HDAC11: variants seen among roughly 807,000 people sequenced by gnomAD.
The protein encoded by HDAC11 is histone deacetylase 11.
HDAC11 carries 23 observed loss-of-function variants against 41.1 expected under a neutral mutation model. That is an observed-to-expected ratio of 0.56 (90% CI 0.40 to 0.79). HDAC11 has a LOEUF of 0.79. Among genes scored for constraint, HDAC11 ranks in the 30% least tolerant of loss-of-function variants. The pLI, the probability that HDAC11 is intolerant of heterozygous loss-of-function variation, is 0.00. For synonymous variants in HDAC11, 187 were observed against 186.6 expected, an observed-to-expected ratio of 1.00 and a Z score of -0.02; for missense variants, 402 against 477.3, an observed-to-expected ratio of 0.84 and a Z score of 1.47.
intron 8 of HDAC11, 40 bp downstream of exon 8, chr3:13,503,020 G>T (rs2125012145): frequency 6.7e-7 from 1 of 1,484,136 alleles, no homozygotes; most frequent in Non-Finnish European, 9.4e-7. Context: ...GTGTGTCCTT[G>T]TGGATGAGGC....
chr3:13,497,242 G>C (rs549589979), intron 4 of HDAC11, among the ~76,000 whole-genome samples: 10 of 151,476 alleles, frequency 6.6e-5, no homozygotes, highest in African/African-American at 2.2e-4. Context: ...GCAGTGGTGT[G>C]ATCTTGGCTC....
intron 3 of HDAC11, among the ~76,000 whole-genome samples, chr3:13,491,370 G>A (rs74335856): frequency 0.049 from 7,374 of 151,960 alleles, 339 homozygotes; most frequent in East Asian, 0.22. Flanking sequence ...TCATGTTGAG[G>A]GAGTTCCCTT....
In HDAC11 at chr3:13,485,362, G is replaced by A. The variant is rs555426117; in HGVS notation, c.252+1798G>A. 5.3e-5 allele frequency among the ~76,000 whole-genome samples: 8 copies of A among 152,378 alleles called. No homozygotes were observed. In the South Asian group the frequency reaches 8.3e-4, roughly 16 times the overall value. ...CTGGTTTCCTGGGGCCCAGGCATGC[G>A]TGGTCACAGTCCACAGCCTAGGGCT... On this transcript the variant is annotated intron_variant, in intron 3 of 9. Transcript: ENST00000295757.
At chr3:13,504,000 G>A in intron 8 of HDAC11, 94 bp from the exon 9 acceptor site, 1 of 1,193,028 alleles carries the variant, frequency 8.4e-7, no homozygotes, top group Non-Finnish European at 1.2e-6. Context: ...GAATCTGACA[G>A]ACCAGTTTCC....
At chr3:13,487,883 G>T (rs1011937539) in intron 3 of HDAC11, among the ~76,000 whole-genome samples, 1 of 152,112 alleles carries the variant, frequency 6.6e-6, no homozygotes, top group South Asian at 2.1e-4. Flanking sequence ...GCTGAGTGTC[G>T]TGAAGAAAGG....
Position 13,480,524 on chromosome 3 carries a change from C to T in HDAC11, c.2+175C>T, listed in dbSNP as rs1254869269. The T allele has an allele frequency of 1.8e-5, 6 of 334,874 alleles. No individual in the cohort carries two copies. Among genetic ancestry groups the T allele is most frequent in the Non-Finnish European group, 3.2e-5 (6 of 187,064 alleles). The allele number at this position is 334,874 out of a possible 1,614,324, so 20.7% of individuals were successfully genotyped here. ...TCCAGGCCCTCCCGGCGCGCCAGGC[C>T]AGCCCCGCGCCCCTGCTCGGTGGCC... On this transcript the variant is annotated intron_variant, in intron 1 of 9. Transcript: ENST00000295757. This position sits in a 1 kb window ranked among gnomAD's most constrained non-coding sequence, Gnocchi z 4.6.
chr3:13,498,646 G>C (rs1702219894), intron 5 of HDAC11, 91 bp downstream of exon 5: 5 of 1,315,434 alleles, frequency 3.8e-6, no homozygotes, highest in Non-Finnish European at 4.3e-6. Context: ...GGATCCTGGA[G>C]GTGGCAGCTG....
chr3:13,483,363 A>G, intron 2 of HDAC11, 101 bp from the exon 3 acceptor site: 1 of 934,572 alleles, frequency 1.1e-6, no homozygotes, highest in Non-Finnish European at 1.7e-6. Context: ...CCCCTGGGGC[A>G]GGGGCTGCCA....
chr3:13,481,230 T>C lies in HDAC11; in HGVS notation c.3-16T>C. ...AGGCTGCCCCAGCTGTGCGTCTGTC[T>C]TTTTCCACACGGTAGGCTACACACA... On this transcript the variant is annotated splice_polypyrimidine_tract_variant and intron_variant, in intron 1 of 9. Transcript: ENST00000295757. 1 of 1,609,270 alleles carries C rather than the reference T, an allele frequency of 6.2e-7. No individual in the cohort carries two copies. The highest frequency in any genetic ancestry group is 1.1e-5 in the South Asian group (1 of 90,756).
chr3:13,481,118 C>T, intron 1 of HDAC11, 128 bp from the exon 2 acceptor site: 1 of 977,498 alleles, frequency 1.0e-6, no homozygotes, highest in East Asian at 2.6e-5. Flanking sequence ...GTTGAGGGGC[C>T]CTTGTCTGCG....
intron 3 of HDAC11, among the ~76,000 whole-genome samples, chr3:13,483,837 T>G (rs1701436052): frequency 6.6e-6 from 1 of 152,122 alleles, no homozygotes; most frequent in African/African-American, 2.4e-5. Flanking sequence ...ATTTTAGGCT[T>G]CTACATTATG....
chr3:13,484,681 C>T (rs557077794), intron 3 of HDAC11, among the ~76,000 whole-genome samples: 6 of 152,322 alleles, frequency 3.9e-5, no homozygotes, highest in African/African-American at 1.2e-4. Flanking sequence ...GGTGAGCCAC[C>T]ACACCCGGCC....
intron 3 of HDAC11, among the ~76,000 whole-genome samples, chr3:13,491,158 A>G (rs1701845532): frequency 6.6e-6 from 1 of 151,702 alleles, no homozygotes; most frequent in South Asian, 2.1e-4. Context: ...GTCTGTGAAG[A>G]GAGGTAGCTT....
Position 13,498,542 on chromosome 3 carries a change from G to C in HDAC11, c.399G>C (p.Trp133Cys), listed in dbSNP as rs749695798. 5 of 1,613,910 alleles carry C rather than the reference G, an allele frequency of 3.1e-6. No individual in the cohort carries two copies. The highest frequency in any genetic ancestry group is 4.2e-6 in the Non-Finnish European group (5 of 1,180,034). ...MAGKLAVERGWAINVGGGFHH... is the reference protein window; with the variant it reads ...MAGKLAVERGCAINVGGGFHH... ...GGAAGCTGGCTGTGGAGCGAGGCTG[G>C]GCCATCAACGTGGGTGAGTGCTGGG... Residue 133 changes from tryptophan (W) to cysteine (C), a missense_variant, in exon 5 of 10, where the codon TGG becomes TGC. Transcript: ENST00000295757.
At chr3:13,494,508 C>T (rs73815729) in intron 3 of HDAC11, among the ~76,000 whole-genome samples, 4,931 of 152,346 alleles carry the variant, frequency 0.032, 268 homozygotes, top group African/African-American at 0.11. Flanking sequence ...CACATACATA[C>T]ACTCATGGGT....
In HDAC11 at chr3:13,481,235, C is replaced by G. The variant is rs747771809; in HGVS notation, c.3-11C>G. 6.2e-7 allele frequency: 1 copy of G among 1,610,398 alleles called. No homozygotes were observed. Among genetic ancestry groups the G allele is most frequent in the Admixed American group, 1.7e-5 (1 of 59,716 alleles). On this transcript the variant is annotated splice_polypyrimidine_tract_variant and intron_variant, in intron 1 of 9. Transcript: ENST00000295757. ...GCCCCAGCTGTGCGTCTGTCTTTTTCCACACGGTAGGCTACACACAACCCA... is the reference window on the plus strand; with the variant it reads ...GCCCCAGCTGTGCGTCTGTCTTTTTGCACACGGTAGGCTACACACAACCCA...
At chr3:13,486,378 A>T (rs917295117) in intron 3 of HDAC11, among the ~76,000 whole-genome samples, 2 of 150,542 alleles carry the variant, frequency 1.3e-5, no homozygotes. Flanking sequence ...GCTCTCTGCC[A>T]CCATGGATTT....
At chr3:13,496,694 G>A (rs766039722) in intron 3 of HDAC11, 42 bp from the exon 4 acceptor site, 2 of 1,357,536 alleles carry the variant, frequency 1.5e-6, no homozygotes, top group Admixed American at 1.9e-5. Context: ...GTTGCCTCAG[G>A]GTGGGGAAGC....
chr3:13,483,487 A>G lies in HDAC11; in HGVS notation c.175A>G (p.Met59Val). 3 of 1,613,422 alleles carry G rather than the reference A, an allele frequency of 1.9e-6. No individual in the cohort carries two copies. The highest frequency in any genetic ancestry group is 2.5e-6 in the Non-Finnish European group (3 of 1,179,584). ...AGAAGAGAAGCTTCTGTCTGACAGC[A>G]TGCTGGTGGAGGCGCGGGAGGCCTC... Reference protein sequence around the residue: ...LKEEKLLSDSMLVEAREASEE... With the variant: ...LKEEKLLSDSVLVEAREASEE... Residue 59 changes from methionine to valine, a missense_variant, in exon 3 of 10, where the codon ATG becomes GTG. Transcript: ENST00000295757.
Sources: allele counts gnomAD v4.1 joint callset (sites outside exome capture counted in the v4.1 genomes callset), GRCh38; gene constraint gnomAD v4.1.1; non-coding constraint Gnocchi (gnomAD v3.1); transcripts MANE v1.5; gene names NCBI Gene and HGNC (gene_info 2026-07-23, HGNC 2026-07-21).